The following LINGO2 variants were observed in gnomAD, a reference collection of about 807,000 sequenced individuals.
LINGO2 encodes the protein leucine rich repeat and Ig domain containing 2.
In LINGO2, 14 loss-of-function variants were observed where a neutral mutation model predicts 30.6. That is an observed-to-expected ratio of 0.46 (90% CI 0.30 to 0.72). The LOEUF is 0.72. LINGO2 is among the 30% of genes least tolerant of loss of function. The probability of loss-of-function intolerance (pLI) is 0.07; values close to 1 mark genes in which losing one functional copy is unlikely to be tolerated. For missense variants in LINGO2, 729 were observed against 751.7 expected (o/e 0.97, Z 0.35); for synonymous variants, 317 against 288.5 (o/e 1.10, Z -1.00).
chr9:28,729,914 A>G, the LINGO2 span, among the ~76,000 whole-genome samples: 4 of 152,072 alleles, frequency 2.6e-5, no homozygotes, highest in Admixed American at 6.6e-5. Flanking sequence ...GAGCATTTAT[A>G]TAGAATAATA....
chr9:28,002,641 TAAAC>T (rs1316387610), intron 5 of LINGO2, among the ~76,000 whole-genome samples: 2 of 152,144 alleles, frequency 1.3e-5, no homozygotes, highest in African/African-American at 4.8e-5. Context: ...CAGAGACCCT[TAAAC>T]AAAGCCAATG....
chr9:28,713,412 G>A, the LINGO2 span, among the ~76,000 whole-genome samples: 21 of 152,030 alleles, frequency 1.4e-4, no homozygotes, highest in Non-Finnish European at 2.1e-4. Flanking sequence ...TTTGCCCTCC[G>A]TTTCCCAGCT....
At chr9:28,266,709 A>C (rs1352476841) in intron 4 of LINGO2, among the ~76,000 whole-genome samples, 1 of 151,972 alleles carries the variant, frequency 6.6e-6, no homozygotes, top group South Asian at 2.1e-4. Context: ...GCAAAACCTA[A>C]ATTGGGTTAA....
intron 4 of LINGO2, among the ~76,000 whole-genome samples, chr9:28,071,779 C>A (rs1209346116): frequency 1.3e-5 from 2 of 151,976 alleles, no homozygotes; most frequent in African/African-American, 4.8e-5. Context: ...GTGCGTCATT[C>A]TCTTCATTCT....
At chr9:29,071,641 G>C in the LINGO2 span, among the ~76,000 whole-genome samples, 1 of 151,528 alleles carries the variant, frequency 6.6e-6, no homozygotes, top group South Asian at 2.1e-4. Context: ...TATAAGCAAA[G>C]CACTAAGGTG....
rs370133651 is a variant in LINGO2, at chr9:28,081,526, T to C, written c.-86-69121A>G. 6.8e-4 allele frequency among the ~76,000 whole-genome samples: 103 copies of C among 152,336 alleles called. 1 individual carries two copies. The highest frequency in any genetic ancestry group is 2.4e-3 in the African/African-American group (99 of 41,598). ...CAACATTAAAAGAAGAAAGGTATTT[T>C]ATTCAATTACAATTTATGGTCACTT... On this transcript the variant is annotated intron_variant, in intron 4 of 5. Transcript: ENST00000379992.
At chr9:28,663,264 G>A (rs1828656070) in intron 1 of LINGO2, among the ~76,000 whole-genome samples, 1 of 152,030 alleles carries the variant, frequency 6.6e-6, no homozygotes, top group Non-Finnish European at 1.5e-5. Flanking sequence ...TCTGCTGCCT[G>A]GGTTCAAGCA....
chr9:28,644,358 C>T (rs1344189449), intron 1 of LINGO2, among the ~76,000 whole-genome samples: 1 of 151,812 alleles, frequency 6.6e-6, no homozygotes, highest in Non-Finnish European at 1.5e-5. Flanking sequence ...ACTATTCAGC[C>T]ATAAAAAAGA....
At chr9:28,021,239 G>A (rs1823105980) in intron 4 of LINGO2, among the ~76,000 whole-genome samples, 2 of 151,830 alleles carry the variant, frequency 1.3e-5, no homozygotes, top group South Asian at 2.1e-4. Flanking sequence ...TCATTTAAAG[G>A]TATTCTTCAG....
At chr9:28,348,680 T>C (rs1167819841) in intron 3 of LINGO2, among the ~76,000 whole-genome samples, 1 of 151,948 alleles carries the variant, frequency 6.6e-6, no homozygotes, top group Admixed American at 6.5e-5. Context: ...CTCTGTAGGC[T>C]CCACCTCTGG....
At chr9:28,324,107 T>C (rs1007196238) in intron 3 of LINGO2, among the ~76,000 whole-genome samples, 1 of 152,214 alleles carries the variant, frequency 6.6e-6, no homozygotes, top group African/African-American at 2.4e-5. Context: ...GTAAGGCTAA[T>C]ACTTAGAGTC....
chr9:28,552,885 T>TA (rs138795865), intron 1 of LINGO2, among the ~76,000 whole-genome samples: 6,742 of 145,440 alleles, frequency 0.046, 206 homozygotes, highest in South Asian at 0.11. Flanking sequence ...TTTCCAACAT[T>TA]AAAAAAAAAA....
chr9:28,343,746 C>G (rs1211111503), intron 3 of LINGO2, among the ~76,000 whole-genome samples: 1 of 152,074 alleles, frequency 6.6e-6, no homozygotes, highest in Non-Finnish European at 1.5e-5. Flanking sequence ...TTGGGCCCAC[C>G]TCTTCTCACC....
rs1272166230 is a variant in LINGO2, at chr9:28,318,020, T to C, written c.-245-22654A>G. Among the ~76,000 whole-genome samples the C allele has an allele frequency of 2.6e-5, 4 of 152,176 alleles. No individual in the cohort carries two copies. The East Asian group carries it at 7.7e-4, about 29-fold the overall frequency. ...AGACTATCAGCAAGGAATACACATATGCTGCAGCCATACAAGAAGCAACTG... is the reference window on the plus strand; with the variant it reads ...AGACTATCAGCAAGGAATACACATACGCTGCAGCCATACAAGAAGCAACTG... On this transcript the variant is annotated intron_variant, in intron 3 of 5. Coordinates refer to ENST00000379992, the Ensembl canonical transcript of LINGO2.
At chr9:28,168,159 G>C (rs1377045) in intron 4 of LINGO2, among the ~76,000 whole-genome samples, 112,552 of 152,080 alleles carry the variant, frequency 0.74, 41,786 homozygotes, top group South Asian at 0.8. Context: ...AGGGAGTGTG[G>C]TGATAACATC....
the LINGO2 span, among the ~76,000 whole-genome samples, chr9:28,852,916 A>G: frequency 2.6e-5 from 4 of 151,894 alleles, no homozygotes; most frequent in Non-Finnish European, 4.4e-5. Context: ...TTTATAAAAC[A>G]CTCTCTGCTG....
chr9:28,218,070 A>G (rs1204996039), intron 4 of LINGO2, among the ~76,000 whole-genome samples: 1 of 150,472 alleles, frequency 6.6e-6, no homozygotes, highest in Non-Finnish European at 1.5e-5. Flanking sequence ...TTGTAGATGT[A>G]GATTTGAAGA....
the LINGO2 span, among the ~76,000 whole-genome samples, chr9:28,905,857 C>T: frequency 0.74 from 112,716 of 151,936 alleles, 41,946 homozygotes; most frequent in Non-Finnish European, 0.78. Context: ...TATCTGCACG[C>T]CCATGTTCAG....
intron 4 of LINGO2, among the ~76,000 whole-genome samples, chr9:28,235,078 G>C (rs1344558589): frequency 2.0e-5 from 3 of 152,186 alleles, no homozygotes; most frequent in Non-Finnish European, 4.4e-5. Context: ...GTTTAATACT[G>C]TGCTGGCTTT....
Sources: allele counts gnomAD v4.1 joint callset (sites outside exome capture counted in the v4.1 genomes callset), GRCh38; gene constraint gnomAD v4.1.1; transcripts MANE v1.5; gene names NCBI Gene and HGNC (gene_info 2026-07-23, HGNC 2026-07-21).